YWHAB: variants seen among roughly 807,000 people sequenced by gnomAD.
YWHAB encodes the protein tyrosine 3-monooxygenase/tryptophan 5-monooxygenase activation protein beta, also known as 14-3-3 protein beta/alpha.
Under a neutral mutation model 28.5 loss-of-function variants are expected in YWHAB, and 2 were observed. The observed-to-expected ratio is 0.07, with a 90% CI of 0.03 to 0.22. YWHAB has a LOEUF of 0.22. Ranked by LOEUF, YWHAB falls within the 10% of genes least tolerant of loss-of-function variation. The pLI is 1.00. For missense variants in YWHAB, 148 were observed against 297.1 expected (o/e 0.50, Z 3.69); for synonymous variants, 103 against 104.7 (o/e 0.98, Z 0.10).
intron 1 of YWHAB, among the ~76,000 whole-genome samples, chr20:44,889,057 T>A (rs1157316732): frequency 6.0e-5 from 9 of 149,868 alleles, no homozygotes; most frequent in Non-Finnish European, 1.5e-5. Flanking sequence ...TAAAATTTCC[T>A]TGTAGAGATA....
At chr20:44,906,350 C>G (rs778178549) in intron 5 of YWHAB, 32 bp from the exon 6 acceptor site, 3 of 1,611,686 alleles carry the variant, frequency 1.9e-6, no homozygotes. Flanking sequence ...TTTTAGTAGC[C>G]CTGCTTTGAT....
At chr20:44,905,435 A>T in intron 4 of YWHAB, 1 of 244,538 alleles carries the variant, frequency 4.1e-6, no homozygotes, top group Non-Finnish European at 7.8e-6. Flanking sequence ...TCATGCCAAG[A>T]TTTGAGGTTA....
In YWHAB at chr20:44,906,750, A is replaced by G. The variant is rs1393651308; in HGVS notation, c.*312A>G. 12 of 193,500 alleles carry G rather than the reference A, an allele frequency of 6.2e-5. No homozygotes were observed. In the South Asian group the frequency reaches 1.7e-3, roughly 27 times the overall value. 12.0% of individuals were successfully genotyped at this position (193,500 alleles called of 1,614,324 possible). ...GGTTTTGTAATTTAGCAGAACTCTT[A>G]CTGGTAGAAAAAATAGACCTGAATT... is the stretch of plus-strand genomic sequence containing the variant. On this transcript the variant is annotated 3_prime_UTR_variant, in exon 6 of 6. Transcript: ENST00000353703.
intron 1 of YWHAB, among the ~76,000 whole-genome samples, chr20:44,899,730 A>G (rs2066616001): frequency 6.6e-6 from 1 of 152,212 alleles, no homozygotes; most frequent in Non-Finnish European, 1.5e-5. Flanking sequence ...GCAGTGGGGA[A>G]CTGACTGTGG....
intron 3 of YWHAB, among the ~76,000 whole-genome samples, chr20:44,904,683 A>G (rs982795574): frequency 6.6e-6 from 1 of 152,236 alleles, no homozygotes; most frequent in African/African-American, 2.4e-5. Context: ...TGTTTGCACT[A>G]GAATGTATGG....
chr20:44,893,694 CTTTTTTTTT>C (rs3091859), intron 1 of YWHAB, among the ~76,000 whole-genome samples: 1 of 103,786 alleles, frequency 9.6e-6, no homozygotes, highest in East Asian at 2.6e-4. Flanking sequence ...CCTCCCCTGC[CTTTTTTTTT>C]TTTTTTTTTT....
In YWHAB at chr20:44,906,133, C is replaced by T. The variant is rs901378097; in HGVS notation, c.684+37C>T. On this transcript the variant is annotated intron_variant, in intron 5 of 5. Coordinates refer to ENST00000353703, the MANE Select transcript of YWHAB (RefSeq NM_139323.4). ...TTCCACAGGGTTTATAGTCTCTTTC[C>T]TATTCACCTACTTAATAATTCACTG... is the stretch of plus-strand genomic sequence containing the variant. 7 of 1,476,454 alleles carry T rather than the reference C, an allele frequency of 4.7e-6. No homozygotes were observed. The African/African-American group carries it at 5.6e-5, about 12-fold the overall frequency. The allele number at this position is 1,476,454 out of a possible 1,614,324, so 91.5% of individuals were successfully genotyped here.
In YWHAB at chr20:44,906,504, TAAAAAAA is replaced by T. The variant is rs775632748; in HGVS notation, c.*83_*89del. The T allele has an allele frequency of 1.8e-3, 628 of 358,074 alleles. 1 individual carries two copies. Among genetic ancestry groups the T allele is most frequent in the South Asian group, 8.9e-3 (90 of 10,058 alleles). 22.2% of individuals were successfully genotyped at this position (358,074 alleles called of 1,614,324 possible). On this transcript the variant is annotated 3_prime_UTR_variant, in exon 6 of 6. Transcript: ENST00000353703. ...CCCTCAACATATATCCCTTGTGCGA[TAAAAAAA>T]AAAAAAAAAAAAAAAAGAGAATCGT...
At chr20:44,888,015 C>T (rs1334827719) in intron 1 of YWHAB, among the ~76,000 whole-genome samples, 2 of 152,090 alleles carry the variant, frequency 1.3e-5, no homozygotes, top group East Asian at 3.8e-4. Context: ...CTTTATTTTG[C>T]ATATAGGCAA....
At chr20:44,905,250 G>T in intron 4 of YWHAB, 119 bp downstream of exon 4, 1 of 996,420 alleles carries the variant, frequency 1.0e-6, no homozygotes, top group Non-Finnish European at 1.4e-6. Context: ...TTCTGGGGGT[G>T]GGAGTGTATC....
chr20:44,906,001 G>T lies in YWHAB; in HGVS notation c.589G>T (p.Ala197Ser). Residue 197 changes from alanine to serine, a missense_variant and splice_region_variant, in exon 5 of 6, where the codon GCA becomes TCA. Physicochemically the swap from Ala to Ser is moderately conservative, Grantham distance 99. This residue lies in a region of YWHAB where 38 missense variants were observed against 119.2 expected (regional missense o/e 0.32). Coordinates refer to ENST00000353703, the MANE Select transcript of YWHAB (RefSeq NM_139323.4). ...CTTTGCTAAAGGCTCTTTGTTTTAGGCATTTGATGAAGCAATTGCTGAATT... is the reference window on the plus strand; with the variant it reads ...CTTTGCTAAAGGCTCTTTGTTTTAGTCATTTGATGAAGCAATTGCTGAATT... ...PEKACSLAKT[A>S]FDEAIAELDT... 6.2e-7 allele frequency: 1 copy of T among 1,611,742 alleles called. No individual in the cohort carries two copies. Among genetic ancestry groups the T allele is most frequent in the Non-Finnish European group, 8.5e-7 (1 of 1,178,700 alleles).
intron 1 of YWHAB, among the ~76,000 whole-genome samples, chr20:44,894,251 C>T (rs1467043003): frequency 6.6e-6 from 1 of 152,170 alleles, no homozygotes; most frequent in Non-Finnish European, 1.5e-5. Context: ...AGGGTTGGGC[C>T]TTTTGTGGCC....
At chr20:44,898,769 G>A (rs2066610345) in intron 1 of YWHAB, among the ~76,000 whole-genome samples, 1 of 150,564 alleles carries the variant, frequency 6.6e-6, no homozygotes, top group African/African-American at 2.4e-5. Flanking sequence ...GCCTCCCAAA[G>A]TGCTGGGATT....
chr20:44,900,265 G>A (rs2066618940), intron 1 of YWHAB, among the ~76,000 whole-genome samples: 1 of 152,070 alleles, frequency 6.6e-6, no homozygotes, highest in Non-Finnish European at 1.5e-5. Context: ...AGACTGATTT[G>A]CCAGGATAAT....
chr20:44,896,066 C>T (rs1411621272), intron 1 of YWHAB, among the ~76,000 whole-genome samples: 5 of 152,112 alleles, frequency 3.3e-5, no homozygotes, highest in African/African-American at 9.7e-5. Flanking sequence ...ACTGAAGAAA[C>T]GTGGTAAGAC....
chr20:44,902,434 C>A (rs1445117488), intron 2 of YWHAB: 2 of 152,204 alleles, frequency 1.3e-5, no homozygotes, highest in Non-Finnish European at 2.9e-5. Context: ...GGTACGTACT[C>A]CAAAACAAAT....
chr20:44,905,889 C>G (rs924670259), intron 4 of YWHAB, 112 bp from the exon 5 acceptor site: 2 of 732,498 alleles, frequency 2.7e-6, no homozygotes, highest in Non-Finnish European at 2.3e-6. Context: ...AGCCTAGGTT[C>G]CCCCAAAGTA....
At chr20:44,900,538 T>G (rs775803928) in intron 1 of YWHAB, among the ~76,000 whole-genome samples, 1 of 152,232 alleles carries the variant, frequency 6.6e-6, no homozygotes, top group Admixed American at 6.5e-5. Context: ...AGTTATCTAC[T>G]GCTTGATGGG....
rs2066667328 is a variant in YWHAB, at chr20:44,907,808, T to C, written c.*1370T>C. On this transcript the variant is annotated 3_prime_UTR_variant, in exon 6 of 6. Transcript: ENST00000353703. ...CCAGAACCCTGTCTTCCTCCAGTTC[T>C]CAACACGGTGTTGCTCTTCAGTCAT... The C allele has an allele frequency of 6.6e-6, 1 of 152,260 alleles. No homozygotes were observed. The highest frequency in any genetic ancestry group is 2.1e-4 in the South Asian group (1 of 4,838). 9.4% of individuals were successfully genotyped at this position (152,260 alleles called of 1,614,324 possible).
Sources: allele counts gnomAD v4.1 joint callset (sites outside exome capture counted in the v4.1 genomes callset), GRCh38; gene constraint gnomAD v4.1.1; regional missense constraint gnomAD v4.1.1; transcripts MANE v1.5; gene names NCBI Gene and HGNC (gene_info 2026-07-23, HGNC 2026-07-21).